CFAP54: variants seen among roughly 807,000 people sequenced by gnomAD.
CFAP54 encodes the protein cilia and flagella associated protein 54, also known as cilia- and flagella-associated protein 54.
A neutral mutation model predicts 370.4 loss-of-function variants in CFAP54; 290 were observed. That is an observed-to-expected ratio of 0.78 (90% CI 0.71 to 0.86). CFAP54 has a LOEUF of 0.86. CFAP54 is among the 40% of genes least tolerant of loss of function. CFAP54 has a pLI of 0.00. For missense variants in CFAP54, 3,399 were observed against 3,528.7 expected (o/e 0.96, Z 0.93); for synonymous variants, 1,206 against 1,236.5 (o/e 0.98, Z 0.52).
intron 41 of CFAP54, 115 bp from the exon 42 acceptor site, chr12:96,684,914 T>A: frequency 3.0e-6 from 3 of 1,005,158 alleles, no homozygotes; most frequent in Non-Finnish European, 4.5e-6. Context: ...GAATGTATTA[T>A]AGTTATACGT....
At chr12:96,648,951 C>A (rs1294967985) in intron 34 of CFAP54, among the ~76,000 whole-genome samples, 1 of 152,122 alleles carries the variant, frequency 6.6e-6, no homozygotes, top group Non-Finnish European at 1.5e-5. Context: ...TGACTAATTT[C>A]CACACCCCTT....
At chr12:96,518,779 C>T in intron 5 of CFAP54, 149 bp from the exon 6 acceptor site, 1 of 669,868 alleles carries the variant, frequency 1.5e-6, no homozygotes, top group Non-Finnish European at 2.2e-6. Flanking sequence ...TTTTTAAATG[C>T]TTGTTTCTTC....
Position 96,759,132 on chromosome 12 carries a change from A to G in CFAP54, c.8040+1544A>G, listed in dbSNP as rs1000044617. On this transcript the variant is annotated intron_variant, in intron 58 of 67. Coordinates refer to ENST00000524981, the MANE Select transcript of CFAP54 (RefSeq NM_001306084.2). ...AACATGATTTAAAACCTTTAGGCAA[A>G]TAGAGTCTCAGTCAATTCTTACCAA... 4.6e-5 allele frequency among the ~76,000 whole-genome samples: 7 copies of G among 152,076 alleles called. 1 individual carries two copies. Among genetic ancestry groups the G allele is most frequent in the African/African-American group, 1.7e-4 (7 of 41,426 alleles).
At chr12:96,526,846 C>T (rs1233165324) in intron 8 of CFAP54, among the ~76,000 whole-genome samples, 1 of 148,158 alleles carries the variant, frequency 6.7e-6, no homozygotes, top group African/African-American at 2.5e-5. Flanking sequence ...TCTGTTTTAG[C>T]ATTGTAAGCA....
intron 26 of CFAP54, among the ~76,000 whole-genome samples, chr12:96,603,781 C>A (rs565322332): frequency 8.5e-5 from 13 of 152,250 alleles, no homozygotes; most frequent in Admixed American, 7.9e-4. Context: ...TCACACAGTT[C>A]TTGTACTGTG....
At chr12:96,808,468 GGAA>G (rs547346210) in intron 63 of CFAP54, among the ~76,000 whole-genome samples, 146 of 152,270 alleles carry the variant, frequency 9.6e-4, no homozygotes, top group African/African-American at 3.2e-3. Flanking sequence ...GATAAGGCAT[GGAA>G]GGCTAAAGAA....
At chr12:96,662,555 C>T (rs1728277058) in intron 38 of CFAP54, among the ~76,000 whole-genome samples, 1 of 152,196 alleles carries the variant, frequency 6.6e-6, no homozygotes, top group South Asian at 2.1e-4. Context: ...AACCCCAAGT[C>T]AGGTTCTGTC....
chr12:96,489,995 G>A (rs1468275175), intron 1 of CFAP54, 69 bp downstream of exon 1: 14 of 1,379,912 alleles, frequency 1.0e-5, no homozygotes, highest in Non-Finnish European at 1.3e-5. Context: ...GCTGGAGGAT[G>A]CAGGTGGTGG....
At chr12:96,504,994 TTTTCTTTC>T (rs140087516) in intron 3 of CFAP54, among the ~76,000 whole-genome samples, 11 of 148,916 alleles carry the variant, frequency 7.4e-5, no homozygotes, top group East Asian at 4.1e-4. Context: ...TCTTCTTTCT[TTTTCTTTC>T]TTTCTTTCTT....
chr12:96,739,911 A>G (rs765388930), intron 50 of CFAP54, 45 bp from the exon 51 acceptor site: 2 of 1,161,724 alleles, frequency 1.7e-6, no homozygotes, highest in Non-Finnish European at 2.5e-6. Context: ...TACAGATGCC[A>G]CAAATATAAT....
At chr12:96,649,094 T>A (rs1383609383) in intron 34 of CFAP54, among the ~76,000 whole-genome samples, 1 of 152,220 alleles carries the variant, frequency 6.6e-6, no homozygotes, top group African/African-American at 2.4e-5. Flanking sequence ...TTTTAAGTGC[T>A]ATGGGATTTA....
intron 63 of CFAP54, among the ~76,000 whole-genome samples, chr12:96,807,231 C>G (rs772628861): frequency 6.6e-6 from 1 of 152,108 alleles, no homozygotes; most frequent in Non-Finnish European, 1.5e-5. Context: ...GTGACTTGAC[C>G]AATGCTGCAA....
intron 39 of CFAP54, among the ~76,000 whole-genome samples, chr12:96,668,326 A>G (rs984072602): frequency 3.3e-5 from 5 of 152,154 alleles, no homozygotes; most frequent in Non-Finnish European, 7.3e-5. Flanking sequence ...GGCCATTCTC[A>G]TGCTGCTAAT....
At chr12:96,666,157 T>TGGAAAAAGG (rs1213140832) in intron 39 of CFAP54, among the ~76,000 whole-genome samples, 2 of 152,248 alleles carry the variant, frequency 1.3e-5, no homozygotes, top group Non-Finnish European at 2.9e-5. Flanking sequence ...AAAACAAAGA[T>TGGAAAAAGG]GGAAAAAGGT....
At chr12:96,508,007 G>C (rs1955125832) in intron 4 of CFAP54, among the ~76,000 whole-genome samples, 1 of 152,154 alleles carries the variant, frequency 6.6e-6, no homozygotes, top group Non-Finnish European at 1.5e-5. Context: ...GACGGAGAAG[G>C]AGCAGCAGTT....
intron 9 of CFAP54, among the ~76,000 whole-genome samples, chr12:96,532,328 A>G (rs561694687): frequency 6.6e-6 from 1 of 152,276 alleles, no homozygotes; most frequent in African/African-American, 2.4e-5. Context: ...GTTAGCTCCT[A>G]TGCCTTTAGG....
chr12:96,623,134 G>A (rs1041269573), intron 27 of CFAP54, among the ~76,000 whole-genome samples: 2 of 152,128 alleles, frequency 1.3e-5, no homozygotes, highest in Admixed American at 6.5e-5. Flanking sequence ...TTAATTTATA[G>A]GAGTCAGAAA....
chr12:96,853,478 G>A (rs557406029), intron 66 of CFAP54, among the ~76,000 whole-genome samples: 61 of 152,196 alleles, frequency 4.0e-4, no homozygotes, highest in African/African-American at 1.4e-3. Flanking sequence ...GAAAGAAAGT[G>A]TATATGCAAG....
chr12:96,805,497 C>T (rs746781026), intron 63 of CFAP54, among the ~76,000 whole-genome samples: 4 of 150,814 alleles, frequency 2.7e-5, no homozygotes, highest in Admixed American at 2.0e-4. Context: ...CATCACTAAT[C>T]ATCAGAGGAA....
Sources: gnomAD v4.1 joint callset for allele counts (sites outside exome capture counted in the v4.1 genomes callset) on GRCh38, gnomAD v4.1.1 for gene constraint, MANE v1.5 for transcripts, NCBI Gene and HGNC (gene_info 2026-07-23, HGNC 2026-07-21) for gene names.